GALNT7: variants seen among roughly 807,000 people sequenced by gnomAD.
GALNT7 encodes polypeptide N-acetylgalactosaminyltransferase 7, also known as N-acetylgalactosaminyltransferase 7.
A neutral mutation model predicts 82.1 loss-of-function variants in GALNT7; 60 were observed. The ratio of observed to expected loss-of-function variants is 0.73; its 90% CI spans 0.59 to 0.91. GALNT7 has a LOEUF of 0.91. GALNT7 is among the 40% of genes least tolerant of loss of function. The pLI is 0.00. For synonymous variants in GALNT7, 243 were observed against 275.1 expected, an observed-to-expected ratio of 0.88 and a Z score of 1.15; for missense variants, 660 against 804.2, an observed-to-expected ratio of 0.82 and a Z score of 2.17.
At chr4:173,300,227 C>T (rs1403052967) in intron 6 of GALNT7, among the ~76,000 whole-genome samples, 1 of 152,172 alleles carries the variant, frequency 6.6e-6, no homozygotes, top group Non-Finnish European at 1.5e-5. Context: ...CCTGTAGTCC[C>T]AGCAACTCAG....
intron 1 of GALNT7, among the ~76,000 whole-genome samples, chr4:173,180,750 G>A (rs1209425034): frequency 6.6e-6 from 1 of 152,184 alleles, no homozygotes; most frequent in East Asian, 1.9e-4. Flanking sequence ...TTTTGATTGT[G>A]CTTACTTGAG....
chr4:173,195,822 T>G (rs556146225), intron 1 of GALNT7, among the ~76,000 whole-genome samples: 1 of 152,356 alleles, frequency 6.6e-6, no homozygotes, highest in Non-Finnish European at 1.5e-5. Context: ...CATTTGGGAT[T>G]TAATAGTGAG....
intron 2 of GALNT7, among the ~76,000 whole-genome samples, chr4:173,270,940 T>C (rs906788586): frequency 1.3e-5 from 2 of 152,202 alleles, no homozygotes; most frequent in Non-Finnish European, 2.9e-5. Flanking sequence ...GGACTATATA[T>C]TAGATGGAAT....
At chr4:173,284,901 AT>A (rs1736265433) in intron 2 of GALNT7, among the ~76,000 whole-genome samples, 1 of 152,070 alleles carries the variant, frequency 6.6e-6, no homozygotes, top group Non-Finnish European at 1.5e-5. Context: ...TTTTACATAC[AT>A]TTTTTTGTAT....
intron 1 of GALNT7, among the ~76,000 whole-genome samples, chr4:173,182,942 A>G (rs1423608888): frequency 6.7e-6 from 1 of 148,348 alleles, no homozygotes; most frequent in Non-Finnish European, 1.5e-5. Flanking sequence ...ACACACACAC[A>G]CACACTCTGC....
intron 9 of GALNT7, chr4:173,315,907 A>G (rs1423881811): frequency 1.3e-5 from 2 of 152,152 alleles, no homozygotes; most frequent in African/African-American, 4.8e-5. Flanking sequence ...TCTTCCATGA[A>G]TCCTGTCTTT....
chr4:173,296,897 CT>C (rs139098110), intron 5 of GALNT7, among the ~76,000 whole-genome samples: 1,577 of 152,316 alleles, frequency 0.01, 21 homozygotes, highest in Non-Finnish European at 0.018. Flanking sequence ...TCTTTCTGGA[CT>C]TTACTTCCTC....
At chr4:173,265,917 T>C (rs1735472437) in intron 2 of GALNT7, among the ~76,000 whole-genome samples, 1 of 152,024 alleles carries the variant, frequency 6.6e-6, no homozygotes, top group Non-Finnish European at 1.5e-5. Flanking sequence ...AGGGAATGGC[T>C]TGGACGCTTC....
chr4:173,259,322 T>A (rs1417984561), intron 2 of GALNT7, among the ~76,000 whole-genome samples: 2 of 152,170 alleles, frequency 1.3e-5, no homozygotes, highest in African/African-American at 2.4e-5. Flanking sequence ...GGGGGTTACA[T>A]GCAGGTTCAC....
At chr4:173,184,568 G>A (rs1412865132) in intron 1 of GALNT7, among the ~76,000 whole-genome samples, 1 of 149,706 alleles carries the variant, frequency 6.7e-6, no homozygotes, top group Non-Finnish European at 1.5e-5. Context: ...GCCTCGGCTC[G>A]GCATCAGAGG....
intron 2 of GALNT7, among the ~76,000 whole-genome samples, chr4:173,291,390 G>A (rs760339249): frequency 1.3e-5 from 2 of 152,008 alleles, no homozygotes; most frequent in African/African-American, 2.4e-5. Flanking sequence ...AAGAGTGTTT[G>A]GTCCCTCCCA....
intron 1 of GALNT7, among the ~76,000 whole-genome samples, chr4:173,205,205 C>T (rs1733047966): frequency 6.6e-6 from 1 of 152,116 alleles, no homozygotes; most frequent in African/African-American, 2.4e-5. Flanking sequence ...GCCTGGGGGG[C>T]TGACCTGGTC....
At position 173,286,252 on chromosome 4, in the gene GALNT7, G is replaced by A. The variant is rs574655188; in HGVS notation, c.588-5856G>A. On this transcript the variant is annotated intron_variant, in intron 2 of 11. Coordinates refer to ENST00000265000, the MANE Select transcript of GALNT7 (RefSeq NM_017423.3). ...TTCACAATCATGTTCAAGTTCTCCA[G>A]TTTCCTTTGGGAGAAAATGGCTCGG... is the stretch of plus-strand genomic sequence containing the variant. Among the ~76,000 whole-genome samples the A allele has an allele frequency of 2.6e-5, 4 of 152,312 alleles. No homozygotes were observed. The South Asian group carries it at 8.3e-4, about 32-fold the overall frequency.
At position 173,292,842 on chromosome 4, in the gene GALNT7, T is replaced by A. The variant is rs1164673477; in HGVS notation, c.754+568T>A. On this transcript the variant is annotated intron_variant, in intron 3 of 11. Transcript: ENST00000265000. The surrounding 1 kb of genome is among the most constrained non-coding windows in gnomAD (Gnocchi z 4.8). ...AGAGAATGTATAGCTTTAAAATTTT[T>A]AGCCATATCAAATGCCTTTAGAGTA... is the stretch of plus-strand genomic sequence containing the variant. 1.3e-5 allele frequency among the ~76,000 whole-genome samples: 2 copies of A among 152,196 alleles called. No homozygotes were observed. Among genetic ancestry groups the A allele is most frequent in the African/African-American group, 4.8e-5 (2 of 41,466 alleles).
At chr4:173,282,856 G>A (rs1226736099) in intron 2 of GALNT7, among the ~76,000 whole-genome samples, 18 of 152,224 alleles carry the variant, frequency 1.2e-4, no homozygotes. Context: ...AAGATTGGGT[G>A]TATGGGGCTT....
At chr4:173,170,904 C>T (rs1332531156) in intron 1 of GALNT7, among the ~76,000 whole-genome samples, 2 of 152,094 alleles carry the variant, frequency 1.3e-5, no homozygotes, top group Non-Finnish European at 2.9e-5. Flanking sequence ...AAGGATGGGC[C>T]ATAATGCCCA....
intron 2 of GALNT7, among the ~76,000 whole-genome samples, chr4:173,257,969 C>G (rs1054323395): frequency 1.3e-5 from 2 of 152,196 alleles, no homozygotes; most frequent in Admixed American, 1.3e-4. Context: ...AAGCTGCAGG[C>G]CTGCTGGAGT....
intron 1 of GALNT7, among the ~76,000 whole-genome samples, chr4:173,239,955 A>G (rs1734367237): frequency 6.6e-6 from 1 of 152,136 alleles, no homozygotes; most frequent in African/African-American, 2.4e-5. Context: ...AATATAACGG[A>G]TTTGTTACCC....
At chr4:173,259,200 A>G (rs999337709) in intron 2 of GALNT7, among the ~76,000 whole-genome samples, 1 of 152,216 alleles carries the variant, frequency 6.6e-6, no homozygotes, top group Non-Finnish European at 1.5e-5. Context: ...CAATGAAAAT[A>G]ACAGAGATGG....
Sources: gnomAD v4.1 joint callset for allele counts (sites outside exome capture counted in the v4.1 genomes callset) on GRCh38, gnomAD v4.1.1 for gene constraint, Gnocchi (gnomAD v3.1) non-coding constraint, MANE v1.5 for transcripts, NCBI Gene and HGNC (gene_info 2026-07-23, HGNC 2026-07-21) for gene names.